SNRPE: variants seen among roughly 807,000 people sequenced by gnomAD.
The protein encoded by SNRPE is small nuclear ribonucleoprotein polypeptide E.
For synonymous variants in SNRPE, 35 were observed against 36.7 expected, an observed-to-expected ratio of 0.95 and a Z score of 0.17; for missense variants, 53 against 111.6, an observed-to-expected ratio of 0.48 and a Z score of 2.36.
At position 203,862,324 on chromosome 1, in the gene SNRPE, A is replaced by G. The variant is rs1023780487; in HGVS notation, c.81+102A>G. The G allele has an allele frequency of 9.3e-5, 79 of 846,054 alleles. No individual in the cohort carries two copies. In the African/African-American group the frequency reaches 1.1e-3, roughly 12 times the overall value. The allele number at this position is 846,054 out of a possible 1,614,324, so 52.4% of individuals were successfully genotyped here. ...GATCGCTGTGTTCTAGAATTTAAAA[A>G]TAGATGTAACTGGAGATTGGAGGGT... On this transcript the variant is annotated intron_variant, in intron 2 of 4. Coordinates refer to ENST00000414487, the MANE Select transcript of SNRPE (RefSeq NM_003094.4).
chr1:203,862,364 A>T, intron 2 of SNRPE, 142 bp downstream of exon 2: 1 of 671,724 alleles, frequency 1.5e-6, no homozygotes, highest in Non-Finnish European at 2.7e-6. Flanking sequence ...GAGGGGAAGG[A>T]GTACTTAGAA....
At chr1:203,869,627 A>G (rs1275173943) in intron 4 of SNRPE, among the ~76,000 whole-genome samples, 2 of 152,160 alleles carry the variant, frequency 1.3e-5, no homozygotes, top group Non-Finnish European at 2.9e-5. Context: ...TATGAGGCCT[A>G]TTGAGTTGAC....
At chr1:203,862,248 T>A (rs1689992854) in intron 2 of SNRPE, 26 bp downstream of exon 2, 1 of 1,553,330 alleles carries the variant, frequency 6.4e-7, no homozygotes, top group Admixed American at 1.7e-5. Flanking sequence ...GTTTCGTAAC[T>A]ACTTTTTAAA....
intron 3 of SNRPE, among the ~76,000 whole-genome samples, chr1:203,864,082 G>T (rs1408231730): frequency 6.6e-6 from 1 of 152,016 alleles, no homozygotes; most frequent in Non-Finnish European, 1.5e-5. Context: ...AGCCTCCCAA[G>T]TAGCTAGGAT....
chr1:203,861,902 C>A (rs1689985430), intron 1 of SNRPE, 189 bp downstream of exon 1: 1 of 632,854 alleles, frequency 1.6e-6, no homozygotes, highest in African/African-American at 1.8e-5. Context: ...GGGGGGACCC[C>A]TGCCGTGGGG....
At chr1:203,867,165 A>G (rs1458027742) in intron 4 of SNRPE, among the ~76,000 whole-genome samples, 1 of 148,998 alleles carries the variant, frequency 6.7e-6, no homozygotes, top group East Asian at 2.0e-4. Flanking sequence ...CTGTAGTTCC[A>G]GCTACTCGGG....
chr1:203,868,253 A>T (rs1484454854), intron 4 of SNRPE, among the ~76,000 whole-genome samples: 1 of 151,976 alleles, frequency 6.6e-6, no homozygotes, highest in African/African-American at 2.4e-5. Flanking sequence ...ACGGGGTTTC[A>T]CTGTGTTGCC....
chr1:203,864,507 C>T (rs1690045752), intron 3 of SNRPE, among the ~76,000 whole-genome samples: 1 of 151,960 alleles, frequency 6.6e-6, no homozygotes, highest in Non-Finnish European at 1.5e-5. Context: ...TCTTGAACTC[C>T]TTGGCTCAAG....
At chr1:203,862,292 C>A in intron 2 of SNRPE, 70 bp downstream of exon 2, 1 of 1,053,860 alleles carries the variant, frequency 9.5e-7, no homozygotes, top group Non-Finnish European at 1.5e-6. Flanking sequence ...TTTGTGTTAA[C>A]CTGAGCGATC....
intron 4 of SNRPE, among the ~76,000 whole-genome samples, chr1:203,867,933 C>G (rs373686670): frequency 6.6e-6 from 1 of 152,188 alleles, no homozygotes; most frequent in Non-Finnish European, 1.5e-5. Flanking sequence ...ATTAGTGTCT[C>G]TCCTGTTATC....
In SNRPE at chr1:203,869,870, G is replaced by C. The variant is rs926822828; in HGVS notation, c.224-7G>C. ...ATTAATAGCTTTTTGTTGTTTTTGT[G>C]TTGCAGGTCGGATCATGCTAAAAGG... On this transcript the variant is annotated splice_polypyrimidine_tract_variant and splice_region_variant and intron_variant, in intron 4 of 4. Coordinates refer to ENST00000414487, the MANE Select transcript of SNRPE (RefSeq NM_003094.4). The C allele has an allele frequency of 3.7e-6, 6 of 1,600,174 alleles. No homozygotes were observed. Among genetic ancestry groups the C allele is most frequent in the Non-Finnish European group, 5.1e-6 (6 of 1,172,392 alleles).
intron 4 of SNRPE, among the ~76,000 whole-genome samples, chr1:203,866,699 A>G (rs915931964): frequency 5.3e-5 from 8 of 152,152 alleles, no homozygotes; most frequent in Non-Finnish European, 5.9e-5. Context: ...TAAAAACACC[A>G]GTCTGAACAT....
intron 2 of SNRPE, 130 bp downstream of exon 2, chr1:203,862,352 T>C: frequency 1.4e-6 from 1 of 707,398 alleles, no homozygotes; most frequent in East Asian, 2.7e-5. Flanking sequence ...TGGAGGGTAA[T>C]TGAGGGGAAG....
At position 203,861,679 on chromosome 1, in the gene SNRPE, G is replaced by A; in HGVS notation, c.20G>A (p.Gly7Asp). The change falls in exon 1 of 5, where the codon GGT becomes GAT. Residue 7 changes from glycine to aspartate, a missense_variant. Gly to Asp is a moderately conservative substitution (Grantham distance 94). Coordinates refer to ENST00000414487, the MANE Select transcript of SNRPE (RefSeq NM_003094.4). MAYRGQ[G>D]QKVQKVMVQP... ...TCCACCATGGCGTACCGTGGCCAGG[G>A]TCAGAAAGTGCAGAAGGTTATGGTG... The A allele has an allele frequency of 6.2e-7, 1 of 1,613,636 alleles. No homozygotes were observed. The highest frequency in any genetic ancestry group is 8.5e-7 in the Non-Finnish European group (1 of 1,179,510).
chr1:203,862,915 A>G (rs992164915), intron 2 of SNRPE, among the ~76,000 whole-genome samples: 1 of 152,098 alleles, frequency 6.6e-6, no homozygotes, highest in African/African-American at 2.4e-5. Context: ...GCTTTGTGCT[A>G]TGCTGTCAAA....
At chr1:203,866,357 C>T (rs1326646529) in intron 4 of SNRPE, among the ~76,000 whole-genome samples, 1 of 152,162 alleles carries the variant, frequency 6.6e-6, no homozygotes, top group Non-Finnish European at 1.5e-5. Flanking sequence ...TCTTGGGACC[C>T]AATCACTAAA....
chr1:203,863,627 CTT>C, intron 2 of SNRPE, 34 bp from the exon 3 acceptor site: 1 of 1,568,526 alleles, frequency 6.4e-7, no homozygotes, highest in South Asian at 1.1e-5. Context: ...CCCTATTTTT[CTT>C]TTTTTAACGT....
At position 203,863,668 on chromosome 1, in the gene SNRPE, G is replaced by A. The variant is rs200369681; in HGVS notation, c.87G>A (p.Ser29=). Residue 29 remains serine (S), a synonymous_variant, in exon 3 of 5, where the codon TCG becomes TCA. Transcript: ENST00000414487. ...NLIFRYLQNR[S]RIQVWLYEQV... Reference sequence around the variant, plus strand: ...CACTTTTATGATTATTTCAGAGATCGCGGATTCAGGTGTGGCTCTATGAGC... The same window carrying A: ...CACTTTTATGATTATTTCAGAGATCACGGATTCAGGTGTGGCTCTATGAGC... 5.6e-6 allele frequency: 9 copies of A among 1,609,850 alleles called. No individual in the cohort carries two copies. Among genetic ancestry groups the A allele is most frequent in the East Asian group, 4.5e-5 (2 of 44,834 alleles).
At position 203,861,635 on chromosome 1, in the gene SNRPE, G is replaced by A; in HGVS notation, c.-25G>A. 2 of 1,601,842 alleles carry A rather than the reference G, an allele frequency of 1.2e-6. No homozygotes were observed. Among genetic ancestry groups the A allele is most frequent in the South Asian group, 1.1e-5 (1 of 90,832 alleles). ...AAGTTGCTCTCAGAGGCAGCGTGCG[G>A]GTGTGCTCTTTGTGAAATTCCACCA... On this transcript the variant is annotated 5_prime_UTR_variant, in exon 1 of 5. Transcript: ENST00000414487.
Sources: allele counts gnomAD v4.1 joint callset (sites outside exome capture counted in the v4.1 genomes callset), GRCh38; gene constraint gnomAD v4.1.1; transcripts MANE v1.5; gene names NCBI Gene and HGNC (gene_info 2026-07-23, HGNC 2026-07-21).